The following COX10 variants were observed in gnomAD, a reference collection of about 807,000 sequenced individuals.
COX10 encodes protoheme IX farnesyltransferase, mitochondrial.
In COX10, 27 loss-of-function variants were observed where a neutral mutation model predicts 37.3. That is an observed-to-expected ratio of 0.72 (90% CI 0.53 to 1.00). COX10 has a LOEUF of 1.00. Ranked by LOEUF, COX10 falls within the 50% of genes least tolerant of loss-of-function variation. COX10 has a pLI of 0.00. For missense variants in COX10, 475 were observed against 563.2 expected, an observed-to-expected ratio of 0.84 and a Z score of 1.59; for synonymous variants, 222 against 229.1, an observed-to-expected ratio of 0.97 and a Z score of 0.28.
At chr17:14,143,403 A>G (rs1904608500) in intron 4 of COX10, among the ~76,000 whole-genome samples, 1 of 152,158 alleles carries the variant, frequency 6.6e-6, no homozygotes, top group South Asian at 2.1e-4. Context: ...TTTAAAATAC[A>G]TTTATGGAAT....
chr17:14,096,309 C>A (rs1031032049), intron 3 of COX10, among the ~76,000 whole-genome samples: 3 of 151,618 alleles, frequency 2.0e-5, no homozygotes, highest in Non-Finnish European at 2.9e-5. Flanking sequence ...ACTTTCAGAC[C>A]ATAGCCCAGG....
chr17:14,185,061 GAA>G (rs1193725748), intron 5 of COX10, among the ~76,000 whole-genome samples: 2 of 150,760 alleles, frequency 1.3e-5, no homozygotes, highest in East Asian at 3.9e-4. Flanking sequence ...CTTGCTTCTA[GAA>G]ACCAGATGTC....
In COX10 at chr17:14,207,351, G is replaced by GT. The variant is rs200239586; in HGVS notation, c.*152dup. The GT allele has an allele frequency of 0.12, 99,425 of 851,170 alleles. 1 individual carries two copies. The highest frequency in any genetic ancestry group is 0.14 in the Middle Eastern group (342 of 2,462). The allele number at this position is 851,170 out of a possible 1,614,324, so 52.7% of individuals were successfully genotyped here. ...TTCGGTGCTCAGTGATCACTTGACA[G>GT]TTTTTTTTTTTTTTAAATATTACCC... On this transcript the variant is annotated 3_prime_UTR_variant, in exon 7 of 7. Transcript: ENST00000261643.
intron 3 of COX10, among the ~76,000 whole-genome samples, chr17:14,090,119 A>G (rs113466887): frequency 1.4e-4 from 22 of 151,890 alleles, no homozygotes; most frequent in African/African-American, 5.3e-4. Flanking sequence ...CTGCAAGTCC[A>G]AGCAGATCTC....
intron 4 of COX10, among the ~76,000 whole-genome samples, chr17:14,129,553 T>A (rs1351165206): frequency 6.6e-6 from 1 of 152,218 alleles, no homozygotes; most frequent in East Asian, 1.9e-4. Context: ...GCTATTTTTA[T>A]TTAGGCTTAT....
At chr17:14,095,247 C>T (rs1053179006) in intron 3 of COX10, among the ~76,000 whole-genome samples, 3 of 152,138 alleles carry the variant, frequency 2.0e-5, no homozygotes, top group African/African-American at 7.2e-5. Flanking sequence ...ACCCTAAATC[C>T]TCTTTGACCT....
intron 5 of COX10, among the ~76,000 whole-genome samples, chr17:14,189,003 C>G (rs1440567245): frequency 3.4e-5 from 5 of 148,260 alleles, no homozygotes; most frequent in African/African-American, 1.2e-4. Context: ...TTGGTAGCCA[C>G]TGCTTTGATT....
At chr17:14,079,241 AT>A (rs1915224472) in intron 3 of COX10, among the ~76,000 whole-genome samples, 2 of 152,254 alleles carry the variant, frequency 1.3e-5, no homozygotes, top group African/African-American at 4.8e-5. Flanking sequence ...AAGTTTCCAA[AT>A]AAGTATAGGT....
intron 2 of COX10, 137 bp from the exon 3 acceptor site, chr17:14,076,598 C>A: frequency 2.5e-6 from 2 of 806,886 alleles, no homozygotes; most frequent in South Asian, 1.5e-5. Context: ...TAAATACATG[C>A]CGAATTAACA....
At position 14,193,736 on chromosome 17, in the gene COX10, G is replaced by A. The variant is rs202050212; in HGVS notation, c.928+1515G>A. Among the ~76,000 whole-genome samples the A allele has an allele frequency of 2.4e-3, 354 of 147,912 alleles. 1 individual carries two copies. The highest frequency in any genetic ancestry group is 0.011 in the East Asian group (54 of 5,002). On this transcript the variant is annotated intron_variant, in intron 6 of 6. Coordinates refer to ENST00000261643, the MANE Select transcript of COX10 (RefSeq NM_001303.4). Reference sequence around the variant, plus strand: ...CACCAGCCCTCCTGCTCCCGGTCACGTTCCTCTTCCTTAGTTCCACCTGGA... The same window carrying A: ...CACCAGCCCTCCTGCTCCCGGTCACATTCCTCTTCCTTAGTTCCACCTGGA...
intron 3 of COX10, among the ~76,000 whole-genome samples, chr17:14,090,403 T>C (rs1915500596): frequency 6.6e-6 from 1 of 152,192 alleles, no homozygotes; most frequent in Non-Finnish European, 1.5e-5. Flanking sequence ...TTGGAAAACC[T>C]TTCCAAAATG....
intron 5 of COX10, among the ~76,000 whole-genome samples, chr17:14,188,242 T>C (rs932340103): frequency 1.0e-4 from 15 of 149,612 alleles, no homozygotes; most frequent in Non-Finnish European, 1.9e-4. Flanking sequence ...TTATAAGCTA[T>C]AAATTACCTT....
chr17:14,149,517 C>A (rs1263612478), intron 4 of COX10, among the ~76,000 whole-genome samples: 1 of 152,170 alleles, frequency 6.6e-6, no homozygotes, highest in African/African-American at 2.4e-5. Context: ...AGCACCCTCC[C>A]CGTGCTCACA....
chr17:14,166,785 C>CTTTTTT (rs57127092), intron 5 of COX10, among the ~76,000 whole-genome samples: 25 of 100,250 alleles, frequency 2.5e-4, no homozygotes, highest in East Asian at 3.2e-4. Context: ...CTATTTCTTT[C>CTTTTTT]TTTTTTTTTT....
intron 3 of COX10, among the ~76,000 whole-genome samples, chr17:14,087,571 G>T (rs552827975): frequency 6.6e-6 from 1 of 152,016 alleles, no homozygotes; most frequent in African/African-American, 2.4e-5. Context: ...GAGTTCGCTC[G>T]CATTTTAAGT....
At chr17:14,121,270 C>T (rs566564017) in intron 4 of COX10, among the ~76,000 whole-genome samples, 1 of 152,156 alleles carries the variant, frequency 6.6e-6, no homozygotes, top group East Asian at 1.9e-4. Flanking sequence ...TATATTTATT[C>T]CCAGGCACTT....
intron 4 of COX10, among the ~76,000 whole-genome samples, chr17:14,156,602 G>A (rs2323095): frequency 0.57 from 86,915 of 151,624 alleles, 25,423 homozygotes; most frequent in East Asian, 0.62. Flanking sequence ...TTGAACTTCT[G>A]CTAGGTACTC....
At chr17:14,204,951 TAA>T (rs1471224722) in intron 6 of COX10, among the ~76,000 whole-genome samples, 5 of 152,056 alleles carry the variant, frequency 3.3e-5, no homozygotes, top group Non-Finnish European at 7.4e-5. Flanking sequence ...AAAGTTGTTT[TAA>T]AAAGTTTTCT....
chr17:14,100,920 C>T (rs573496035), intron 3 of COX10, among the ~76,000 whole-genome samples: 9 of 152,154 alleles, frequency 5.9e-5, no homozygotes, highest in African/African-American at 2.2e-4. Flanking sequence ...TGGGGGGTGT[C>T]CTATGCACCA....
Sources: allele counts gnomAD v4.1 joint callset (sites outside exome capture counted in the v4.1 genomes callset), GRCh38; gene constraint gnomAD v4.1.1; transcripts MANE v1.5; gene names NCBI Gene and HGNC (gene_info 2026-07-23, HGNC 2026-07-21).